CA10: variants seen among roughly 807,000 people sequenced by gnomAD.
The protein encoded by CA10 is carbonic anhydrase 10 (inactive).
Under a neutral mutation model 44.2 loss-of-function variants are expected in CA10, and 14 were observed. That is an observed-to-expected ratio of 0.32 (90% CI 0.21 to 0.50). The LOEUF is 0.50. CA10 is among the 20% of genes least tolerant of loss of function. CA10 has a pLI of 0.99. For missense variants in CA10, 350 were observed against 409.7 expected (o/e 0.85, Z 1.26); for synonymous variants, 159 against 141.6 (o/e 1.12, Z -0.87).
chr17:52,056,942 T>G (rs571600874), intron 2 of CA10, among the ~76,000 whole-genome samples: 1 of 152,144 alleles, frequency 6.6e-6, no homozygotes, highest in Non-Finnish European at 1.5e-5. Context: ...TTATATGAAC[T>G]GCTGAAATTC....
At position 52,056,181 on chromosome 17, in the gene CA10, C is replaced by A. The variant is rs1323928134; in HGVS notation, c.136+16138G>T. Among the ~76,000 whole-genome samples the A allele has an allele frequency of 2.0e-5, 3 of 151,914 alleles. No individual in the cohort carries two copies. The East Asian group carries it at 5.8e-4, about 29-fold the overall frequency. On this transcript the variant is annotated intron_variant, in intron 2 of 8. Transcript: ENST00000451037. The stretch of plus-strand genomic sequence containing the variant: ...CTCAAATCTATAAATATGCACTCTT[C>A]CAGAAAGGAAGAGGAGGTGTCCAAA...
intron 3 of CA10, among the ~76,000 whole-genome samples, chr17:51,760,836 T>C (rs954343713): frequency 6.6e-6 from 1 of 152,212 alleles, no homozygotes; most frequent in African/African-American, 2.4e-5. Flanking sequence ...AGATTAACAT[T>C]AGGAGTTTAT....
intron 3 of CA10, chr17:51,748,505 C>G (rs898696887): frequency 2.0e-6 from 2 of 984,492 alleles, no homozygotes; most frequent in African/African-American, 3.5e-5. Flanking sequence ...TCCTTCTTTT[C>G]TTGCTGGGAC....
intron 2 of CA10, among the ~76,000 whole-genome samples, chr17:52,064,095 C>T (rs1028313018): frequency 6.6e-6 from 1 of 152,190 alleles, no homozygotes; most frequent in Non-Finnish European, 1.5e-5. Flanking sequence ...GTAAGTAAGG[C>T]ACTTTCCTGC....
At chr17:52,159,412 G>C (rs1555571220), upstream of CA10, 1 of 152,230 alleles carries the variant, frequency 6.6e-6, no homozygotes, top group South Asian at 2.1e-4. Context: ...CTGCGCCTTC[G>C]CCCAACTCCA....
rs375704983 is a variant in CA10, at chr17:51,785,599, C to G, written c.280-37781G>C. Among the ~76,000 whole-genome samples, 12 of 152,190 alleles carry G rather than the reference C, an allele frequency of 7.9e-5. No individual in the cohort carries two copies. The East Asian group carries it at 1.5e-3, about 20-fold the overall frequency. On this transcript the variant is annotated intron_variant, in intron 3 of 8. Transcript: ENST00000451037. ...AAATTAGTACAACTACTATGGAGAA[C>G]AGTTTGGAGGTTCCTCAATAAAAAC...
At position 51,677,885 on chromosome 17, in the gene CA10, A is replaced by ACC. The variant is rs201803270; in HGVS notation, c.466-24151_466-24150dup. Among the ~76,000 whole-genome samples, 490 of 137,898 alleles carry ACC rather than the reference A, an allele frequency of 3.6e-3. 7 individuals are homozygous for ACC. The highest frequency in any genetic ancestry group is 0.011 in the African/African-American group (412 of 37,736). 90.5% of individuals were successfully genotyped at this position (137,898 alleles called of 152,430 possible). A position where few individuals can be genotyped will look rare whatever the true frequency, so the allele number is the denominator to read the frequency against. On this transcript the variant is annotated intron_variant, in intron 4 of 8. Transcript: ENST00000451037. ...CCAACAATGCCACTCCTAGGTATACACCCCCCCCCCCACCGGCTGCCAATT... is the reference window on the plus strand; with the variant it reads ...CCAACAATGCCACTCCTAGGTATACACCCCCCCCCCCCCACCGGCTGCCAATT...
At position 51,631,188 on chromosome 17, in the gene CA10, T is replaced by C; in HGVS notation, c.*396A>G. Reference sequence around the variant, plus strand: ...TTTTGTATGTACAAAGGCTGAAAAGTCTCATTGGGTAGATTTATTAGTTCA... The same window carrying C: ...TTTTGTATGTACAAAGGCTGAAAAGCCTCATTGGGTAGATTTATTAGTTCA... On this transcript the variant is annotated 3_prime_UTR_variant, in exon 9 of 9. Transcript: ENST00000451037. 5.1e-6 allele frequency: 1 copy of C among 197,310 alleles called. No individual in the cohort carries two copies. Among genetic ancestry groups the C allele is most frequent in the Non-Finnish European group, 1.0e-5 (1 of 95,992 alleles). The allele number at this position is 197,310 out of a possible 1,614,324, so 12.2% of individuals were successfully genotyped here. A position where few individuals can be genotyped will look rare whatever the true frequency, so the allele number is the denominator to read the frequency against.
At chr17:52,029,229 T>C (rs1986391053) in intron 2 of CA10, among the ~76,000 whole-genome samples, 1 of 152,186 alleles carries the variant, frequency 6.6e-6, no homozygotes, top group African/African-American at 2.4e-5. Flanking sequence ...GGAACCCACC[T>C]AGATCTCCTG....
intron 4 of CA10, among the ~76,000 whole-genome samples, chr17:51,658,597 G>C (rs534911460): frequency 1.3e-5 from 2 of 152,138 alleles, no homozygotes; most frequent in Non-Finnish European, 2.9e-5. Context: ...AGGGACAAGC[G>C]GCTAGGAATG....
chr17:52,105,697 C>T (rs12451232), intron 1 of CA10, among the ~76,000 whole-genome samples: 20,503 of 152,246 alleles, frequency 0.13, 1,669 homozygotes, highest in East Asian at 0.41. Context: ...GTATGACATA[C>T]AGCAAGTCCC....
chr17:52,153,164 A>G (rs1567750140), intron 1 of CA10, among the ~76,000 whole-genome samples: 1 of 152,114 alleles, frequency 6.6e-6, no homozygotes, highest in East Asian at 1.9e-4. Context: ...GGGATTTCAT[A>G]CAACTCCAAA....
At chr17:51,983,771 C>A (rs977554174) in intron 2 of CA10, among the ~76,000 whole-genome samples, 1 of 151,686 alleles carries the variant, frequency 6.6e-6, no homozygotes, top group Non-Finnish European at 1.5e-5. Flanking sequence ...AATAATGAAA[C>A]TCAATGACTT....
intron 3 of CA10, among the ~76,000 whole-genome samples, chr17:51,793,032 G>A (rs1906580665): frequency 6.6e-6 from 1 of 152,176 alleles, no homozygotes; most frequent in Non-Finnish European, 1.5e-5. Flanking sequence ...GAATTTTGAT[G>A]GTTGTGGTGA....
At chr17:51,958,533 A>G (rs112792257) in intron 2 of CA10, among the ~76,000 whole-genome samples, 2,792 of 152,306 alleles carry the variant, frequency 0.018, 79 homozygotes, top group African/African-American at 0.064. Context: ...AGGCAAGAAG[A>G]AAAACACTAG....
At chr17:51,817,185 T>TA (rs1463527536) in intron 3 of CA10, among the ~76,000 whole-genome samples, 1 of 152,168 alleles carries the variant, frequency 6.6e-6, no homozygotes, top group Non-Finnish European at 1.5e-5. Context: ...AAGGGTTTTT[T>TA]ATGGATCATC....
intron 2 of CA10, among the ~76,000 whole-genome samples, chr17:52,046,439 A>G (rs1370912826): frequency 6.6e-6 from 1 of 151,892 alleles, no homozygotes; most frequent in East Asian, 1.9e-4. Context: ...TATAATGAGT[A>G]ATGTTATGCT....
intron 3 of CA10, among the ~76,000 whole-genome samples, chr17:51,898,564 G>A (rs970477056): frequency 2.0e-5 from 3 of 152,008 alleles, no homozygotes; most frequent in South Asian, 2.1e-4. Flanking sequence ...TGCTTGCCTC[G>A]CAGAATGAGT....
At chr17:52,114,603 C>A (rs868415428) in intron 1 of CA10, among the ~76,000 whole-genome samples, 16 of 152,280 alleles carry the variant, frequency 1.1e-4, no homozygotes, top group Middle Eastern at 3.4e-3. Context: ...ATTAGTAATT[C>A]TTTTAATTAC....
Sources: gnomAD v4.1 joint callset for allele counts (sites outside exome capture counted in the v4.1 genomes callset) on GRCh38, gnomAD v4.1.1 for gene constraint, MANE v1.5 for transcripts, NCBI Gene and HGNC (gene_info 2026-07-23, HGNC 2026-07-21) for gene names.